FREM3: variants seen among roughly 807,000 people sequenced by gnomAD.
FREM3 encodes the protein FRAS1-related extracellular matrix protein 3.
In FREM3, 105 loss-of-function variants were observed where a neutral mutation model predicts 129.1. The observed-to-expected ratio is 0.81, with a 90% confidence interval of 0.69 to 0.96. The LOEUF (loss-of-function observed/expected upper bound fraction) is 0.96. FREM3 is among the 40% of genes least tolerant of loss of function. FREM3 has a pLI of 0.00. For synonymous variants in FREM3, 1,014 were observed against 1,044.9 expected (o/e 0.97, Z 0.57); for missense variants, 2,593 against 2,666.3 (o/e 0.97, Z 0.61).
chr4:143,595,889 G>GGAAAAAAAAAAAAAA lies in FREM3; in HGVS notation c.6029-9897_6029-9896insTTTTTTTTTTTTTTC, dbSNP rs750809003. On this transcript the variant is annotated intron_variant, in intron 6 of 7. Transcript: ENST00000329798. ...GGCGACAGAGCGAGACGCCATCTCAGAAAAAAAAAAAAAAAGAAGGAACTG... is the reference window on the plus strand; with the variant it reads ...GGCGACAGAGCGAGACGCCATCTCAGGAAAAAAAAAAAAAAAAAAAAAAAAAAAAAGAAGGAACTG... Among the ~76,000 whole-genome samples, 189 of 110,378 alleles carry GGAAAAAAAAAAAAAA rather than the reference G, an allele frequency of 1.7e-3. 7 individuals are homozygous for GGAAAAAAAAAAAAAA. Among genetic ancestry groups the GGAAAAAAAAAAAAAA allele is most frequent in the Non-Finnish European group, 2.4e-3 (133 of 54,712 alleles). 72.4% of individuals were successfully genotyped at this position (110,378 alleles called of 152,430 possible). A position where few individuals can be genotyped will look rare whatever the true frequency, so the allele number is the denominator to read the frequency against.
intron 4 of FREM3, among the ~76,000 whole-genome samples, 167 bp downstream of exon 4, chr4:143,623,941 G>T (rs1246614612): frequency 6.6e-6 from 1 of 152,144 alleles, no homozygotes; most frequent in South Asian, 2.1e-4. Context: ...CAAAAATCCT[G>T]AGAGCAAATG....
At chr4:143,641,033 G>A (rs1443413366) in intron 2 of FREM3, among the ~76,000 whole-genome samples, 1 of 152,122 alleles carries the variant, frequency 6.6e-6, no homozygotes, top group Non-Finnish European at 1.5e-5. Context: ...AAGCCATAAT[G>A]CACTGTACAT....
chr4:143,664,178 C>T (rs535535891), intron 2 of FREM3, among the ~76,000 whole-genome samples: 13 of 152,196 alleles, frequency 8.5e-5, no homozygotes, highest in Middle Eastern at 3.4e-3. Context: ...TTAGAGTTTC[C>T]AGTTTTTCTG....
intron 6 of FREM3, among the ~76,000 whole-genome samples, chr4:143,586,972 A>G (rs1242489519): frequency 6.6e-6 from 1 of 152,226 alleles, no homozygotes; most frequent in Non-Finnish European, 1.5e-5. Flanking sequence ...ATATATTGCA[A>G]TGCACCAGGA....
At chr4:143,608,120 T>A (rs1189953435) in intron 6 of FREM3, among the ~76,000 whole-genome samples, 1 of 152,132 alleles carries the variant, frequency 6.6e-6, no homozygotes, top group Non-Finnish European at 1.5e-5. Context: ...TCGCACCATC[T>A]CAACAGCCTT....
intron 2 of FREM3, among the ~76,000 whole-genome samples, chr4:143,647,115 A>G (rs1255180232): frequency 6.6e-6 from 1 of 152,164 alleles, no homozygotes; most frequent in Non-Finnish European, 1.5e-5. Flanking sequence ...GGAGATGAGG[A>G]ACTTGTCGGA....
At chr4:143,586,359 G>A (rs927402445) in intron 6 of FREM3, among the ~76,000 whole-genome samples, 1 of 152,340 alleles carries the variant, frequency 6.6e-6, no homozygotes, top group South Asian at 2.1e-4. Context: ...GGAGAAGTTA[G>A]AGAGGCTTTT....
intron 2 of FREM3, among the ~76,000 whole-genome samples, chr4:143,659,782 T>C (rs567966089): frequency 1.3e-5 from 2 of 151,404 alleles, no homozygotes; most frequent in African/African-American, 2.4e-5. Flanking sequence ...TTCTAACTGG[T>C]GTGAGATGGT....
At chr4:143,642,133 T>C (rs982953709) in intron 2 of FREM3, among the ~76,000 whole-genome samples, 4 of 152,174 alleles carry the variant, frequency 2.6e-5, no homozygotes, top group Non-Finnish European at 4.4e-5. Flanking sequence ...CTATAAAACA[T>C]TGTTGAAGAA....
At chr4:143,626,257 TG>T (rs1488522437) in intron 3 of FREM3, among the ~76,000 whole-genome samples, 4 of 152,210 alleles carry the variant, frequency 2.6e-5, no homozygotes, top group African/African-American at 9.6e-5. Context: ...TTCTTGAGGT[TG>T]GACATAACCC....
At chr4:143,694,955 A>G (rs1740538365) in intron 1 of FREM3, among the ~76,000 whole-genome samples, 1 of 152,226 alleles carries the variant, frequency 6.6e-6, no homozygotes, top group Non-Finnish European at 1.5e-5. Context: ...GCTCATGATT[A>G]GTAGTGACAC....
chr4:143,700,530 C>T lies in FREM3; in HGVS notation c.146G>A (p.Arg49Gln), dbSNP rs1024207090. ...GGGGCGAGTGCCGTCAAGCGCACCCCGGGCGGGCAGGTAAAGCGCCGGGTC... is the reference window on the plus strand; with the variant it reads ...GGGGCGAGTGCCGTCAAGCGCACCCTGGGCGGGCAGGTAAAGCGCCGGGTC... The part of the protein sequence containing the change: ...EPDPALYLPA[R>Q]GALDGTRPDG... Residue 49 changes from arginine (R) to glutamine (Q), a missense_variant, in exon 1 of 8, where the codon CGG (arginine) becomes CAG (glutamine). Around this residue, in one of 2 missense-constraint regions of FREM3, gnomAD observed 2,276 missense variants for 2,267.2 expected, o/e 1.00. Transcript: ENST00000329798. The T allele has an allele frequency of 4.6e-6, 7 of 1,519,258 alleles. No homozygotes were observed. The South Asian group carries it at 7.3e-5, about 16-fold the overall frequency. The allele number at this position is 1,519,258 out of a possible 1,614,324, so 94.1% of individuals were successfully genotyped here. A position where few individuals can be genotyped will look rare whatever the true frequency, so the allele number is the denominator to read the frequency against.
intron 2 of FREM3, among the ~76,000 whole-genome samples, chr4:143,650,736 C>A (rs1739495833): frequency 6.6e-6 from 1 of 152,228 alleles, no homozygotes; most frequent in African/African-American, 2.4e-5. Flanking sequence ...AAGCTATCCT[C>A]CTCACTTGGC....
chr4:143,659,989 G>T (rs1739676933), intron 2 of FREM3, among the ~76,000 whole-genome samples: 3 of 149,814 alleles, frequency 2.0e-5, no homozygotes, highest in Non-Finnish European at 3.0e-5. Flanking sequence ...TTAGCCCTTT[G>T]TCAGATGAGT....
intron 6 of FREM3, among the ~76,000 whole-genome samples, chr4:143,605,878 A>G (rs1235029963): frequency 2.0e-5 from 3 of 152,032 alleles, no homozygotes; most frequent in Non-Finnish European, 4.4e-5. Context: ...TGCCATTTCT[A>G]TTTTTCTGAA....
At chr4:143,601,872 A>G (rs1738579044) in intron 6 of FREM3, 1 of 152,070 alleles carries the variant, frequency 6.6e-6, no homozygotes, top group South Asian at 2.1e-4. Context: ...CAGGTGATCC[A>G]TTTGACAGGG....
At chr4:143,595,432 A>G (rs1738451473) in intron 6 of FREM3, among the ~76,000 whole-genome samples, 1 of 152,196 alleles carries the variant, frequency 6.6e-6, no homozygotes, top group Admixed American at 6.5e-5. Flanking sequence ...AGTTCAACGA[A>G]CATCTATTGA....
chr4:143,686,978 A>G (rs542000858), intron 2 of FREM3, among the ~76,000 whole-genome samples: 8 of 152,308 alleles, frequency 5.3e-5, no homozygotes, highest in African/African-American at 1.9e-4. Context: ...AACCAAGATC[A>G]GAGCAGAACT....
chr4:143,678,021 C>T (rs188426072), intron 2 of FREM3, among the ~76,000 whole-genome samples: 2 of 152,220 alleles, frequency 1.3e-5, no homozygotes, highest in East Asian at 3.9e-4. Context: ...CCCATATGAC[C>T]CAGCCATCCC....
Sources: allele counts gnomAD v4.1 joint callset (sites outside exome capture counted in the v4.1 genomes callset), GRCh38; gene constraint gnomAD v4.1.1; regional missense constraint gnomAD v4.1.1; transcripts MANE v1.5; gene names NCBI Gene and HGNC (gene_info 2026-07-23, HGNC 2026-07-21).